The following CTNND2 variants were observed in gnomAD, a reference collection of about 807,000 sequenced individuals.
The protein encoded by CTNND2 is catenin delta-2.
Under a neutral mutation model 144.4 loss-of-function variants are expected in CTNND2, and 22 were observed. The observed-to-expected ratio is 0.15, with a 90% CI of 0.11 to 0.22. The LOEUF (loss-of-function observed/expected upper bound fraction) is 0.22. Among genes scored for constraint, CTNND2 ranks in the 10% least tolerant of loss-of-function variants. The probability of loss-of-function intolerance (pLI) is 1.00; values close to 1 mark genes in which losing one functional copy is unlikely to be tolerated. For missense variants in CTNND2, 1,353 were observed against 1,618.8 expected (o/e 0.84, Z 2.82); for synonymous variants, 751 against 695.6 (o/e 1.08, Z -1.25).
chr5:11,334,126 A>G (rs1169303961), intron 9 of CTNND2, among the ~76,000 whole-genome samples: 1 of 152,220 alleles, frequency 6.6e-6, no homozygotes, highest in African/African-American at 2.4e-5. Context: ...AACACATTCA[A>G]AATGGTAAAC....
intron 10 of CTNND2, among the ~76,000 whole-genome samples, chr5:11,227,703 G>A (rs768737125): frequency 5.9e-5 from 9 of 152,132 alleles, no homozygotes; most frequent in Non-Finnish European, 1.3e-4. Context: ...TGGGGGAGGG[G>A]AAAGGTATGC....
chr5:11,482,860 AGGGAGTGAG>A (rs1281315987), intron 3 of CTNND2, among the ~76,000 whole-genome samples: 1 of 152,052 alleles, frequency 6.6e-6, no homozygotes, highest in East Asian at 1.9e-4. Flanking sequence ...GGTGCAAAGC[AGGGAGTGAG>A]GGGAGAGAGC....
chr5:11,359,517 C>T (rs1756231347), intron 8 of CTNND2, among the ~76,000 whole-genome samples: 1 of 152,194 alleles, frequency 6.6e-6, no homozygotes, highest in Non-Finnish European at 1.5e-5. Flanking sequence ...AGGGACCACT[C>T]TGTGGCACAA....
At chr5:11,512,218 CA>C (rs1354625835) in intron 3 of CTNND2, among the ~76,000 whole-genome samples, 1 of 152,158 alleles carries the variant, frequency 6.6e-6, no homozygotes, top group Non-Finnish European at 1.5e-5. Flanking sequence ...TATTTTTGAA[CA>C]AAGGGCTCCA....
chr5:11,408,103 G>A (rs1474993495), intron 5 of CTNND2, among the ~76,000 whole-genome samples: 2 of 152,068 alleles, frequency 1.3e-5, no homozygotes, highest in African/African-American at 4.8e-5. Flanking sequence ...GGGTCTAAGG[G>A]TGGTAAGGGC....
intron 18 of CTNND2, among the ~76,000 whole-genome samples, chr5:10,995,045 G>C (rs1453016560): frequency 6.6e-6 from 1 of 152,206 alleles, no homozygotes; most frequent in Non-Finnish European, 1.5e-5. Context: ...AACTAGGACT[G>C]CCTCATGGGG....
intron 3 of CTNND2, among the ~76,000 whole-genome samples, chr5:11,479,954 A>G (rs1404465707): frequency 6.6e-6 from 1 of 152,184 alleles, no homozygotes; most frequent in Non-Finnish European, 1.5e-5. Flanking sequence ...CCCACTCTGT[A>G]GGTTATCTCT....
intron 2 of CTNND2, among the ~76,000 whole-genome samples, chr5:11,646,873 C>T (rs980994724): frequency 6.6e-6 from 1 of 152,196 alleles, no homozygotes. Context: ...ACCCTGGTCT[C>T]TCACTGCTCA....
intron 3 of CTNND2, among the ~76,000 whole-genome samples, chr5:11,544,948 C>T (rs992708790): frequency 1.1e-4 from 17 of 151,778 alleles, no homozygotes; most frequent in African/African-American, 4.1e-4. Context: ...GAAACCCCAT[C>T]CCTACTAAAA....
intron 12 of CTNND2, among the ~76,000 whole-genome samples, chr5:11,132,570 C>T (rs1282570536): frequency 6.6e-6 from 1 of 152,104 alleles, no homozygotes; most frequent in African/African-American, 2.4e-5. Flanking sequence ...GTGAAGGCAC[C>T]CTGATCTTAG....
intron 1 of CTNND2, among the ~76,000 whole-genome samples, chr5:11,744,756 TA>T (rs1420970483): frequency 7.2e-5 from 11 of 151,950 alleles, no homozygotes. Flanking sequence ...TTATTATTAT[TA>T]TTTTTTTGAG....
intron 2 of CTNND2, among the ~76,000 whole-genome samples, chr5:11,702,344 T>G (rs1283299625): frequency 2.0e-5 from 3 of 152,214 alleles, no homozygotes; most frequent in East Asian, 1.9e-4. Context: ...TGAACACTGT[T>G]TAATTCAGTT....
intron 9 of CTNND2, among the ~76,000 whole-genome samples, chr5:11,246,390 C>G (rs1013496311): frequency 3.3e-5 from 5 of 151,874 alleles, no homozygotes; most frequent in African/African-American, 1.2e-4. Flanking sequence ...AGAGAGTGCC[C>G]TCATAAGAGA....
intron 1 of CTNND2, among the ~76,000 whole-genome samples, chr5:11,771,977 T>C (rs1241455410): frequency 6.6e-6 from 1 of 152,210 alleles, no homozygotes. Flanking sequence ...CTAGTCAAGT[T>C]TGCTGATCCA....
At chr5:11,892,711 A>C (rs1350353575) in intron 1 of CTNND2, among the ~76,000 whole-genome samples, 2 of 152,074 alleles carry the variant, frequency 1.3e-5, no homozygotes, top group Non-Finnish European at 2.9e-5. Context: ...AACCTCACAT[A>C]GCCACCAAAT....
intron 2 of CTNND2, among the ~76,000 whole-genome samples, chr5:11,725,618 T>A (rs1284819715): frequency 1.3e-5 from 2 of 152,166 alleles, no homozygotes; most frequent in Non-Finnish European, 2.9e-5. Flanking sequence ...GGAAAAGCAC[T>A]GAATTTGAAG....
At chr5:11,350,008 G>A (rs1755166759) in intron 8 of CTNND2, among the ~76,000 whole-genome samples, 1 of 152,078 alleles carries the variant, frequency 6.6e-6, no homozygotes, top group East Asian at 1.9e-4. Context: ...GTGGTGGCAC[G>A]TGCCTGTAAT....
chr5:10,985,389 G>C (rs895896313), intron 20 of CTNND2, among the ~76,000 whole-genome samples: 14 of 152,184 alleles, frequency 9.2e-5, no homozygotes, highest in Admixed American at 7.9e-4. Context: ...GAAACACTTA[G>C]GAGAGAAGAA....
chr5:11,000,242 G>T (rs2078599923), intron 18 of CTNND2, among the ~76,000 whole-genome samples: 1 of 152,220 alleles, frequency 6.6e-6, no homozygotes, highest in South Asian at 2.1e-4. Context: ...AAATTGTGTG[G>T]CTGAGCGCAG....
Sources: allele counts gnomAD v4.1 joint callset (sites outside exome capture counted in the v4.1 genomes callset), GRCh38; gene constraint gnomAD v4.1.1; transcripts MANE v1.5; gene names NCBI Gene and HGNC (gene_info 2026-07-23, HGNC 2026-07-21).